The following PCDHGA7 variants were observed in gnomAD, a reference collection of about 807,000 sequenced individuals.
PCDHGA7 encodes protocadherin gamma subfamily A, 7, also known as protocadherin gamma-A7.
In PCDHGA7, 44 loss-of-function variants were observed where a neutral mutation model predicts 58.3. That is an observed-to-expected ratio of 0.75 (90% CI 0.59 to 0.97). The LOEUF is 0.97. PCDHGA7 is among the 50% of genes least tolerant of loss of function. PCDHGA7 has a pLI of 0.00. For missense variants in PCDHGA7, 1,266 were observed against 1,188.7 expected (o/e 1.06, Z -0.96); for synonymous variants, 516 against 504.2 (o/e 1.02, Z -0.31).
intron 1 of PCDHGA7, chr5:141,389,454 C>T (rs544789937): frequency 6.2e-7 from 1 of 1,612,960 alleles, no homozygotes; most frequent in African/African-American, 1.3e-5. Context: ...CGAGCAGCTG[C>T]GCGCCTTCGA....
At chr5:141,395,896 A>C (rs1229120477) in intron 1 of PCDHGA7, 2 of 152,188 alleles carry the variant, frequency 1.3e-5, no homozygotes, top group Admixed American at 6.5e-5. Flanking sequence ...CCTGGGCTCC[A>C]TGCCCATGGA....
Position 141,485,183 on chromosome 5 carries a change from A to C in PCDHGA7, c.2425-9624A>C, listed in dbSNP as rs777796801. On this transcript the variant is annotated intron_variant, in intron 1 of 3. Transcript: ENST00000518325. This position sits in a 1 kb window ranked among gnomAD's most constrained non-coding sequence, Gnocchi z 5.7. ...TTAGCGGGCGGCAGCAATGCTCCGC[A>C]AGGTGAGAAGCTGGACAGAAATCTG... 1.9e-6 allele frequency: 3 copies of C among 1,613,248 alleles called. No individual in the cohort carries two copies. The highest frequency in any genetic ancestry group is 3.3e-5 in the Admixed American group (2 of 60,006).
Position 141,403,122 on chromosome 5 carries a change from G to A in PCDHGA7, c.2424+17799G>A, listed in dbSNP as rs550510039. 4.3e-5 allele frequency: 69 copies of A among 1,613,932 alleles called. No individual in the cohort carries two copies. Among genetic ancestry groups the A allele is most frequent in the East Asian group, 8.9e-5 (4 of 44,898 alleles). ...TCCAAGGACCTGGCTCTGGAGCCCC[G>A]GGAGCTGGCGGAGCGCCGAGTCCGC... On this transcript the variant is annotated intron_variant, in intron 1 of 3. Transcript: ENST00000518325.
chr5:141,505,794 G>A (rs1423502957), intron 3 of PCDHGA7, among the ~76,000 whole-genome samples: 1 of 152,142 alleles, frequency 6.6e-6, no homozygotes, highest in East Asian at 1.9e-4. Context: ...CTATCCTTGG[G>A]ACTTGGATCG....
At chr5:141,504,236 C>A (rs1011850372) in intron 2 of PCDHGA7, among the ~76,000 whole-genome samples, 2 of 152,194 alleles carry the variant, frequency 1.3e-5, no homozygotes, top group African/African-American at 4.8e-5. Flanking sequence ...TTCTAAGAAG[C>A]AGAGAGTTCT....
Position 141,431,518 on chromosome 5 carries a change from G to T in PCDHGA7, c.2424+46195G>T. 6.2e-7 allele frequency: 1 copy of T among 1,614,090 alleles called. No individual in the cohort carries two copies. Among genetic ancestry groups the T allele is most frequent in the Non-Finnish European group, 8.5e-7 (1 of 1,180,038 alleles). ...CCGAGTACCGCGCGAGCGTTCCGGA[G>T]AATCTGGCCTTGGGCACGCAGCTGC... On this transcript the variant is annotated intron_variant, in intron 1 of 3. Coordinates refer to ENST00000518325, the MANE Select transcript of PCDHGA7 (RefSeq NM_018920.4). The surrounding 1 kb of genome is among the most constrained non-coding windows in gnomAD (Gnocchi z 4.8).
intron 1 of PCDHGA7, chr5:141,394,859 C>T: frequency 6.2e-7 from 1 of 1,613,758 alleles, no homozygotes; most frequent in Non-Finnish European, 8.5e-7. Context: ...AGCCTTCGGT[C>T]GACCCGAACG....
chr5:141,418,498 C>T (rs181453589), intron 1 of PCDHGA7: 10 of 1,613,968 alleles, frequency 6.2e-6, no homozygotes, highest in East Asian at 2.2e-5. Context: ...TGGTACTGAC[C>T]GCCTTAGATG....
chr5:141,394,085 C>T, intron 1 of PCDHGA7: 3 of 1,613,886 alleles, frequency 1.9e-6, no homozygotes, highest in Non-Finnish European at 2.5e-6. Flanking sequence ...CAGTGATGGC[C>T]TCAGATCTAG....
chr5:141,507,504 C>T (rs1443873775), intron 3 of PCDHGA7, among the ~76,000 whole-genome samples: 1 of 152,138 alleles, frequency 6.6e-6, no homozygotes, highest in Admixed American at 6.5e-5. Flanking sequence ...TGTCCCAGGT[C>T]TGGTGGGGCT....
chr5:141,457,574 T>C (rs992522039), intron 1 of PCDHGA7, among the ~76,000 whole-genome samples: 2 of 152,238 alleles, frequency 1.3e-5, no homozygotes, highest in Non-Finnish European at 2.9e-5. Context: ...AAAATTTTTC[T>C]CTCCAGTCCT....
intron 1 of PCDHGA7, chr5:141,388,690 A>T: frequency 6.2e-7 from 1 of 1,614,030 alleles, no homozygotes; most frequent in Middle Eastern, 1.6e-4. Context: ...GCCACGGACC[A>T]GGATGAGGGT....
At position 141,383,035 on chromosome 5, in the gene PCDHGA7, G is replaced by A. The variant is rs550075608; in HGVS notation, c.136G>A (p.Gly46Arg). ...GGAGACGGACAAAGGGTCCTTTGTG[G>A]GAGACATCGCCAAGGACCTGGGGCT... ...SEETDKGSFV[G>R]DIAKDLGLEP... Residue 46 changes from glycine (G) to arginine (R), a missense_variant, in exon 1 of 4, where the codon GGA (glycine) becomes AGA (arginine). Coordinates refer to ENST00000518325, the MANE Select transcript of PCDHGA7 (RefSeq NM_018920.4). 3.1e-6 allele frequency: 5 copies of A among 1,613,882 alleles called. No individual in the cohort carries two copies. In the South Asian group the frequency reaches 5.5e-5, roughly 18 times the overall value.
rs1562187768 is a variant in PCDHGA7, at chr5:141,499,029, A to AAGG, written c.2483+4165_2483+4166insGGA. 5.0e-3 allele frequency among the ~76,000 whole-genome samples: 706 copies of AAGG among 140,066 alleles called. 6 individuals carry two copies. Among genetic ancestry groups the AAGG allele is most frequent in the African/African-American group, 0.019 (683 of 36,064 alleles). The allele number at this position is 140,066 out of a possible 152,430, so 91.9% of individuals were successfully genotyped here. A position where few individuals can be genotyped will look rare whatever the true frequency, so the allele number is the denominator to read the frequency against. ...GGAAGGAAGGAAGGAAGGAAGGAAG[A>AAGG]AAAGAAAGAAAAAGGGAGAAAAAAT... On this transcript the variant is annotated intron_variant, in intron 2 of 3. Transcript: ENST00000518325.
chr5:141,389,791 TC>T (rs754420674), intron 1 of PCDHGA7: 1 of 1,613,408 alleles, frequency 6.2e-7, no homozygotes, highest in Non-Finnish European at 8.5e-7. Context: ...AGGGACGCCG[TC>T]CGCCAGCGCC....
chr5:141,450,633 C>T (rs751572851), intron 1 of PCDHGA7, among the ~76,000 whole-genome samples: 2 of 149,416 alleles, frequency 1.3e-5, no homozygotes, highest in East Asian at 2.0e-4. Flanking sequence ...ATTACAGATG[C>T]CTGCCACCAT....
At chr5:141,503,598 CAAAAAAAAAAAA>C (rs765754054) in intron 2 of PCDHGA7, among the ~76,000 whole-genome samples, 11 of 65,762 alleles carry the variant, frequency 1.7e-4, no homozygotes, top group Admixed American at 3.4e-4. Context: ...GACTCCAGCT[CAAAAAAAAAAAA>C]AAAAGAAAAA....
chr5:141,496,306 C>T (rs1380057886), intron 2 of PCDHGA7, among the ~76,000 whole-genome samples: 1 of 152,202 alleles, frequency 6.6e-6, no homozygotes, highest in South Asian at 2.1e-4. Flanking sequence ...ATAGGCTCTG[C>T]GCCAGGCCTC....
At chr5:141,438,591 CATATATATATATATATATATAT>C (rs946798767) in intron 1 of PCDHGA7, among the ~76,000 whole-genome samples, 1 of 75,562 alleles carries the variant, frequency 1.3e-5, no homozygotes, top group Middle Eastern at 7.4e-3. Context: ...TACATACATA[CATATATATATATATATATATAT>C]ATATATATAT....
Sources: gnomAD v4.1 joint callset for allele counts (sites outside exome capture counted in the v4.1 genomes callset) on GRCh38, gnomAD v4.1.1 for gene constraint, Gnocchi (gnomAD v3.1) non-coding constraint, MANE v1.5 for transcripts, NCBI Gene and HGNC (gene_info 2026-07-23, HGNC 2026-07-21) for gene names.